ALG9: variants seen among roughly 807,000 people sequenced by gnomAD.
ALG9 encodes the protein alpha-1,2-mannosyltransferase ALG9.
Under a neutral mutation model 81.8 loss-of-function variants are expected in ALG9, and 55 were observed. The ratio of observed to expected loss-of-function variants is 0.67; its 90% confidence interval spans 0.54 to 0.84. The LOEUF (loss-of-function observed/expected upper bound fraction) is 0.84. Among genes scored for constraint, ALG9 ranks in the 40% least tolerant of loss-of-function variants. The probability of loss-of-function intolerance (pLI) is 0.00; values close to 1 mark genes in which losing one functional copy is unlikely to be tolerated. For synonymous variants in ALG9, 278 were observed against 274.3 expected, an observed-to-expected ratio of 1.01 and a Z score of -0.13; for missense variants, 629 against 745.0, an observed-to-expected ratio of 0.84 and a Z score of 1.81.
intron 14 of ALG9, among the ~76,000 whole-genome samples, chr11:111,787,716 C>T (rs1211098118): frequency 6.6e-6 from 1 of 151,606 alleles, no homozygotes; most frequent in East Asian, 2.0e-4. Context: ...CCTCAGCCTC[C>T]CAAAGTGTTG....
chr11:111,788,035 T>C (rs756954782), intron 14 of ALG9, among the ~76,000 whole-genome samples: 1 of 152,244 alleles, frequency 6.6e-6, no homozygotes, highest in Non-Finnish European at 1.5e-5. Flanking sequence ...TTTTAAATTC[T>C]GTATGGAGTA....
chr11:111,795,263 T>C (rs1424411332), intron 14 of ALG9, among the ~76,000 whole-genome samples: 1 of 152,202 alleles, frequency 6.6e-6, no homozygotes, highest in African/African-American at 2.4e-5. Flanking sequence ...ACAATATTCA[T>C]CTTCCACAAG....
chr11:111,792,749 T>C (rs1947620166), intron 14 of ALG9, among the ~76,000 whole-genome samples: 1 of 152,124 alleles, frequency 6.6e-6, no homozygotes, highest in African/African-American at 2.4e-5. Context: ...GAGAATTACA[T>C]AGAAGGAAAA....
intron 13 of ALG9, among the ~76,000 whole-genome samples, chr11:111,821,880 T>G (rs1555104122): frequency 1.3e-5 from 2 of 152,114 alleles, no homozygotes; most frequent in African/African-American, 2.4e-5. Flanking sequence ...GTGATCCGCC[T>G]GCCTCGGCCT....
At chr11:111,857,427 T>C (rs375151425) in intron 6 of ALG9, among the ~76,000 whole-genome samples, 175 bp downstream of exon 6, 14 of 152,260 alleles carry the variant, frequency 9.2e-5, no homozygotes, top group African/African-American at 3.4e-4. Flanking sequence ...GTCATTATTC[T>C]TATTAGAATT....
intron 6 of ALG9, among the ~76,000 whole-genome samples, chr11:111,854,997 A>C (rs558049966): frequency 6.6e-6 from 1 of 152,372 alleles, no homozygotes; most frequent in Non-Finnish European, 1.5e-5. Context: ...GAACTCAGTG[A>C]AATTCAATGT....
intron 1 of ALG9, chr11:111,870,822 A>C: frequency 9.9e-7 from 1 of 1,006,486 alleles, no homozygotes; most frequent in Middle Eastern, 5.0e-4. Flanking sequence ...TTTCTTAACA[A>C]GGTCATTGCT....
chr11:111,793,686 G>A (rs957197438), intron 14 of ALG9, among the ~76,000 whole-genome samples: 11 of 151,772 alleles, frequency 7.2e-5, no homozygotes, highest in Non-Finnish European at 8.8e-5. Context: ...GCGTGAACCC[G>A]GGAGGCGGAG....
At chr11:111,854,666 T>C (rs1555141980) in intron 6 of ALG9, among the ~76,000 whole-genome samples, 1 of 152,246 alleles carries the variant, frequency 6.6e-6, no homozygotes, top group Admixed American at 6.5e-5. Context: ...AACCTCCATG[T>C]TGTTATGTAA....
intron 14 of ALG9, among the ~76,000 whole-genome samples, chr11:111,798,528 GTAGGC>G (rs1948637162): frequency 3.3e-5 from 5 of 152,182 alleles, no homozygotes; most frequent in Admixed American, 2.0e-4. Flanking sequence ...GACTCTCAGA[GTAGGC>G]ATTACATCTG....
intron 14 of ALG9, among the ~76,000 whole-genome samples, chr11:111,789,635 C>T (rs1185827853): frequency 1.3e-5 from 2 of 151,560 alleles, no homozygotes; most frequent in East Asian, 4.0e-4. Context: ...GAGTTCAAGA[C>T]CAGCCTGGCC....
chr11:111,869,455 T>A (rs1433820677), intron 2 of ALG9, among the ~76,000 whole-genome samples: 4 of 152,170 alleles, frequency 2.6e-5, no homozygotes, highest in Non-Finnish European at 5.9e-5. Flanking sequence ...AAGAAATAAC[T>A]TAAAAAGTGA....
chr11:111,783,630 T>A lies in ALG9; in HGVS notation c.*2767A>T, dbSNP rs1224501934. 2 of 152,206 alleles carry A rather than the reference T, an allele frequency of 1.3e-5. No individual in the cohort carries two copies. Among genetic ancestry groups the A allele is most frequent in the African/African-American group, 4.8e-5 (2 of 41,438 alleles). 9.4% of individuals were successfully genotyped at this position (152,206 alleles called of 1,614,324 possible). A position where few individuals can be genotyped will look rare whatever the true frequency, so the allele number is the denominator to read the frequency against. ...CTGAGCAGGTGTGTTGAAACTGTTT[T>A]TCCCAGGCAAAGCTATCCTTCCTAT... On this transcript the variant is annotated 3_prime_UTR_variant, in exon 15 of 15. Coordinates refer to ENST00000616540, the MANE Select transcript of ALG9 (RefSeq NM_024740.2).
intron 14 of ALG9, among the ~76,000 whole-genome samples, chr11:111,804,220 C>A (rs1389086987): frequency 6.7e-6 from 1 of 149,960 alleles, no homozygotes; most frequent in Non-Finnish European, 1.5e-5. Context: ...TCTAAATGAA[C>A]TCGGGTTTGG....
In ALG9 at chr11:111,784,317, G is replaced by A. The variant is rs1946245144; in HGVS notation, c.*2080C>T. 6.6e-6 allele frequency: 1 copy of A among 152,260 alleles called. No individual in the cohort carries two copies. Among genetic ancestry groups the A allele is most frequent in the African/African-American group, 2.4e-5 (1 of 41,470 alleles). 9.4% of individuals were successfully genotyped at this position (152,260 alleles called of 1,614,324 possible). ...CCGTCTCTGATATTCCTGCAGAGGA[G>A]ATCTCAAAGAGGAGCTTTTTAATAT... On this transcript the variant is annotated 3_prime_UTR_variant, in exon 15 of 15. Coordinates refer to ENST00000616540, the MANE Select transcript of ALG9 (RefSeq NM_024740.2).
intron 12 of ALG9, 146 bp from the exon 13 acceptor site, chr11:111,836,440 G>T: frequency 9.7e-7 from 1 of 1,027,480 alleles, no homozygotes. Context: ...AGGGAGCACA[G>T]AGGCAGAGGT....
chr11:111,815,879 T>A (rs1555096632), intron 13 of ALG9, among the ~76,000 whole-genome samples: 1 of 152,176 alleles, frequency 6.6e-6, no homozygotes, highest in Non-Finnish European at 1.5e-5. Flanking sequence ...GTAGAAACAA[T>A]CCCTGGAATA....
chr11:111,820,089 C>T (rs1555101799), intron 13 of ALG9, among the ~76,000 whole-genome samples: 1 of 152,206 alleles, frequency 6.6e-6, no homozygotes, highest in African/African-American at 2.4e-5. Context: ...AATCAAGGTG[C>T]TGGTGTCTGG....
At chr11:111,798,259 G>T in intron 14 of ALG9, 1 of 267,658 alleles carries the variant, frequency 3.7e-6, no homozygotes, top group East Asian at 1.3e-4. Context: ...AAAGGTGAAA[G>T]CAGAGCAAGC....
Sources: allele counts gnomAD v4.1 joint callset (sites outside exome capture counted in the v4.1 genomes callset), GRCh38; gene constraint gnomAD v4.1.1; transcripts MANE v1.5; gene names NCBI Gene and HGNC (gene_info 2026-07-23, HGNC 2026-07-21).